Variants in SORL1 observed in about 807,000 individuals in gnomAD.
The protein encoded by SORL1 is sortilin related receptor 1.
In SORL1, 127 loss-of-function variants were observed where a neutral mutation model predicts 273.7. The ratio of observed to expected loss-of-function variants is 0.46; its 90% CI spans 0.40 to 0.54. The LOEUF is 0.54. Ranked by LOEUF, SORL1 falls within the 20% of genes least tolerant of loss-of-function variation. SORL1 has a pLI of 0.00. For missense variants in SORL1, 2,494 were observed against 2,846.1 expected (o/e 0.88, Z 2.81); for synonymous variants, 1,031 against 1,067.4 (o/e 0.97, Z 0.66).
chr11:121,540,267 C>T (rs1337040924), intron 12 of SORL1, among the ~76,000 whole-genome samples: 1 of 152,066 alleles, frequency 6.6e-6, no homozygotes, highest in Non-Finnish European at 1.5e-5. Context: ...TATTATCTGA[C>T]CTTCCCATCT....
chr11:121,597,656 T>C (rs1047197580), intron 32 of SORL1, among the ~76,000 whole-genome samples: 11 of 152,108 alleles, frequency 7.2e-5, no homozygotes, highest in Non-Finnish European at 1.6e-4. Flanking sequence ...AGACAGGTTT[T>C]GCCATGTTGG....
At chr11:121,460,859 G>A (rs1860987792) in intron 1 of SORL1, among the ~76,000 whole-genome samples, 1 of 152,080 alleles carries the variant, frequency 6.6e-6, no homozygotes, top group South Asian at 2.1e-4. Flanking sequence ...AAGCTATAGG[G>A]TTAAGGTCCC....
In SORL1 at chr11:121,595,056, A is replaced by G. The variant is rs1186748830; in HGVS notation, c.4370-567A>G. Among the ~76,000 whole-genome samples the G allele has an allele frequency of 2.6e-5, 4 of 152,186 alleles. No homozygotes were observed. Among genetic ancestry groups the G allele is most frequent in the Non-Finnish European group, 5.9e-5 (4 of 68,042 alleles). On this transcript the variant is annotated intron_variant, in intron 31 of 47. Transcript: ENST00000260197. This position sits in a 1 kb window ranked among gnomAD's most constrained non-coding sequence, Gnocchi z 5.1. ...TGCTGTCAACTACGCCTATCTAAAC[A>G]ACTCTCTGTTTTTACTTTCTCCAAA...
At chr11:121,536,188 C>T (rs1425398747) in intron 12 of SORL1, among the ~76,000 whole-genome samples, 3 of 152,176 alleles carry the variant, frequency 2.0e-5, no homozygotes, top group Non-Finnish European at 4.4e-5. Context: ...GGGCTTCTCT[C>T]TGGAAATCCT....
chr11:121,510,323 G>A (rs1861858247), intron 6 of SORL1, among the ~76,000 whole-genome samples: 1 of 152,224 alleles, frequency 6.6e-6, no homozygotes, highest in Non-Finnish European at 1.5e-5. Context: ...GCTTAACCAA[G>A]TCAGGAGTTT....
intron 1 of SORL1, among the ~76,000 whole-genome samples, chr11:121,454,049 G>T (rs1449629692): frequency 6.6e-6 from 1 of 152,246 alleles, no homozygotes; most frequent in Admixed American, 6.5e-5. Flanking sequence ...GCAGGAACCT[G>T]CATGCTCAGT....
At chr11:121,515,838 G>A (rs1861941263) in intron 8 of SORL1, among the ~76,000 whole-genome samples, 2 of 152,032 alleles carry the variant, frequency 1.3e-5, no homozygotes, top group South Asian at 4.1e-4. Context: ...TTTTAGTAGA[G>A]ACAGCACCAT....
chr11:121,628,572 C>T (rs775665007), intron 47 of SORL1, among the ~76,000 whole-genome samples: 7 of 152,180 alleles, frequency 4.6e-5, no homozygotes, highest in African/African-American at 1.4e-4. Context: ...TGATGGCCCT[C>T]GGCCCGGGCA....
chr11:121,623,283 G>A (rs112651568), intron 45 of SORL1, among the ~76,000 whole-genome samples: 6 of 152,362 alleles, frequency 3.9e-5, no homozygotes, highest in African/African-American at 1.2e-4. Flanking sequence ...GCAGGGAAGA[G>A]TATAACTGGT....
At chr11:121,519,869 A>T (rs1469115014) in intron 8 of SORL1, among the ~76,000 whole-genome samples, 1 of 152,212 alleles carries the variant, frequency 6.6e-6, no homozygotes, top group Non-Finnish European at 1.5e-5. Context: ...TGTATGTTAT[A>T]TTCATCATTC....
intron 41 of SORL1, among the ~76,000 whole-genome samples, chr11:121,617,175 G>T (rs1355284061): frequency 6.6e-6 from 1 of 152,168 alleles, no homozygotes; most frequent in African/African-American, 2.4e-5. Context: ...ATCTTTAAAA[G>T]GTGCAAGACT....
chr11:121,457,067 C>T (rs1860917766), intron 1 of SORL1, among the ~76,000 whole-genome samples: 1 of 152,142 alleles, frequency 6.6e-6, no homozygotes, highest in Non-Finnish European at 1.5e-5. Context: ...TGGGTTGGCT[C>T]AATAAGGGAC....
chr11:121,619,716 A>G (rs778154062), intron 42 of SORL1, 37 bp from the exon 43 acceptor site: 1 of 1,537,958 alleles, frequency 6.5e-7, no homozygotes, highest in East Asian at 2.3e-5. Flanking sequence ...TAAGGCCATG[A>G]TGTATTTTTT....
At chr11:121,572,273 C>T (rs1027344273) in intron 23 of SORL1, among the ~76,000 whole-genome samples, 1 of 152,166 alleles carries the variant, frequency 6.6e-6, no homozygotes, top group Admixed American at 6.5e-5. Flanking sequence ...GCACCTGCTG[C>T]CTCCAATGGC....
At chr11:121,614,260 T>G (rs1214706062) in intron 40 of SORL1, 1 of 152,246 alleles carries the variant, frequency 6.6e-6, no homozygotes, top group Non-Finnish European at 1.5e-5. Flanking sequence ...TATCTTCTAA[T>G]ATATTTTTCC....
chr11:121,559,643 A>C lies in SORL1; in HGVS notation c.3035A>C (p.Lys1012Thr). 6.2e-7 allele frequency: 1 copy of C among 1,614,126 alleles called. No individual in the cohort carries two copies. The highest frequency in any genetic ancestry group is 8.5e-7 in the Non-Finnish European group (1 of 1,180,004). The change falls in exon 21 of 48, where the codon AAG becomes ACG. Residue 1012 changes from lysine (K) to threonine (T), a missense_variant. Lys to Thr is a moderately conservative substitution (Grantham distance 78, BLOSUM62 -1). Around this residue, in one of 3 missense-constraint regions of SORL1, gnomAD observed 1,609 missense variants for 1,816.4 expected, o/e 0.89. Coordinates refer to ENST00000260197, the MANE Select transcript of SORL1 (RefSeq NM_003105.6). ...CTCATGGACATGAAGATTTTCTACA[A>C]GGGGAAGAACACTGGTAAGCCAGAG... ...TGLMDMKIFYKGKNTGSNACV... is the reference protein window; with the variant it reads ...TGLMDMKIFYTGKNTGSNACV...
Position 121,597,002 on chromosome 11 carries a change from A to G in SORL1, c.4519+1230A>G, listed in dbSNP as rs562758897. On this transcript the variant is annotated intron_variant, in intron 32 of 47. Transcript: ENST00000260197. ...AAAATTTATGGGACTTAGCAGGATC[A>G]TGTGGAAGTGCTTATAAGAGATGTG... 4.6e-5 allele frequency among the ~76,000 whole-genome samples: 7 copies of G among 152,324 alleles called. No homozygotes were observed. The East Asian group carries it at 1.2e-3, about 25-fold the overall frequency.
intron 11 of SORL1, among the ~76,000 whole-genome samples, chr11:121,528,530 A>G (rs2134866711): frequency 6.6e-6 from 1 of 152,316 alleles, no homozygotes; most frequent in Non-Finnish European, 1.5e-5. Flanking sequence ...TAAAGTGTAC[A>G]GTTCATATGT....
intron 6 of SORL1, among the ~76,000 whole-genome samples, chr11:121,508,289 G>A (rs1591305134): frequency 6.6e-6 from 1 of 152,250 alleles, no homozygotes; most frequent in East Asian, 1.9e-4. Context: ...GCTCTTATGT[G>A]CTTGACCTTG....
Sources: gnomAD v4.1 joint callset for allele counts (sites outside exome capture counted in the v4.1 genomes callset) on GRCh38, gnomAD v4.1.1 for gene constraint, gnomAD v4.1.1 regional missense constraint, Gnocchi (gnomAD v3.1) non-coding constraint, MANE v1.5 for transcripts, NCBI Gene and HGNC (gene_info 2026-07-23, HGNC 2026-07-21) for gene names.